The following FARP2 variants were observed in gnomAD, a reference collection of about 807,000 sequenced individuals.
FARP2 encodes the protein FERM, ARH/RhoGEF and pleckstrin domain protein 2.
In FARP2, 111 loss-of-function variants were observed where a neutral mutation model predicts 130.5. The ratio of observed to expected loss-of-function variants is 0.85; its 90% CI spans 0.73 to 1.00. The LOEUF (loss-of-function observed/expected upper bound fraction) is 1.00, where lower values mean the gene tolerates loss of function less well. Among genes scored for constraint, FARP2 ranks in the 50% least tolerant of loss-of-function variants. The probability of loss-of-function intolerance (pLI) is 0.00; values close to 1 mark genes in which losing one functional copy is unlikely to be tolerated. For synonymous variants in FARP2, 504 were observed against 516.9 expected (o/e 0.98, Z 0.34); for missense variants, 1,385 against 1,346.3 (o/e 1.03, Z -0.45).
At chr2:241,437,658 A>ATTTTTTTTTTT (rs1478318608) in intron 12 of FARP2, among the ~76,000 whole-genome samples, 1 of 134,380 alleles carries the variant, frequency 7.4e-6, no homozygotes, top group Non-Finnish European at 1.6e-5. Context: ...ATATTTATTT[A>ATTTTTTTTTTT]TTTATTTATT....
At chr2:241,474,951 ACT>A (rs2064419437) in intron 18 of FARP2, among the ~76,000 whole-genome samples, 1 of 151,978 alleles carries the variant, frequency 6.6e-6, no homozygotes, top group African/African-American at 2.4e-5. Context: ...CTACGCCACC[ACT>A]CTCAGCATGG....
intron 21 of FARP2, 56 bp downstream of exon 21, chr2:241,484,387 C>A (rs2064702128): frequency 2.8e-6 from 4 of 1,428,394 alleles, no homozygotes; most frequent in Non-Finnish European, 3.9e-6. Flanking sequence ...CTGGGCCCCA[C>A]CTACCTCTCT....
At position 241,492,946 on chromosome 2, in the gene FARP2, T is replaced by G. The variant is rs769980116; in HGVS notation, c.2805T>G (p.Tyr935Ter). The part of the protein sequence containing the change: ...SAAVENQLSG[Y>*]LLRKFKNSHG... ...ATTGACAGAACCAGCTTTCAGGATATCTGCTAAGAAAGTTCAAAAACAGTC... is the reference window on the plus strand; with the variant it reads ...ATTGACAGAACCAGCTTTCAGGATAGCTGCTAAGAAAGTTCAAAAACAGTC... Residue 935 changes from tyrosine to a stop codon, truncating the protein, a stop_gained, in exon 25 of 27, where the codon TAT becomes TAG. Coordinates refer to ENST00000264042, the MANE Select transcript of FARP2 (RefSeq NM_014808.4). LOFTEE classifies it high-confidence loss of function. 1.5e-5 allele frequency: 24 copies of G among 1,609,144 alleles called. 1 individual carries two copies. The Middle Eastern group carries it at 2.5e-3, about 165-fold the overall frequency.
intron 2 of FARP2, among the ~76,000 whole-genome samples, chr2:241,377,980 A>G (rs987160013): frequency 2.6e-5 from 4 of 152,090 alleles, no homozygotes; most frequent in Non-Finnish European, 5.9e-5. Flanking sequence ...CAGCAATGTT[A>G]TATGTTCCAA....
chr2:241,359,029 G>A (rs2061125848), intron 1 of FARP2, among the ~76,000 whole-genome samples: 1 of 152,164 alleles, frequency 6.6e-6, no homozygotes, highest in South Asian at 2.1e-4. Flanking sequence ...GCTTCCACAA[G>A]CTGAATCCCA....
In FARP2 at chr2:241,462,493, C is replaced by T. The variant is rs370690777; in HGVS notation, c.1588-30C>T. On this transcript the variant is annotated intron_variant, in intron 14 of 26. Transcript: ENST00000264042. The stretch of plus-strand genomic sequence containing the variant: ...GTGGGAGGGTCCCATGTCCCAGGGA[C>T]GCACACTTACAGCTCTCTGCTTCTT... 3.7e-5 allele frequency: 57 copies of T among 1,545,188 alleles called. No homozygotes were observed. In the African/African-American group the frequency reaches 6.3e-4, roughly 17 times the overall value.
At chr2:241,403,986 A>G in intron 3 of FARP2, 54 bp downstream of exon 3, 1 of 920,354 alleles carries the variant, frequency 1.1e-6, no homozygotes, top group Non-Finnish European at 1.8e-6. Flanking sequence ...CTGTGATGAC[A>G]GCCGCAAGAT....
intron 4 of FARP2, among the ~76,000 whole-genome samples, chr2:241,406,284 G>A (rs896134510): frequency 2.0e-5 from 3 of 151,736 alleles, no homozygotes; most frequent in Non-Finnish European, 2.9e-5. Context: ...CTCCAGCCTG[G>A]GCGACAGAGA....
chr2:241,489,656 A>G lies in FARP2; in HGVS notation c.2422-306A>G, dbSNP rs1056470309. 8 of 221,308 alleles carry G rather than the reference A, an allele frequency of 3.6e-5. No homozygotes were observed. The East Asian group carries it at 5.6e-4, about 16-fold the overall frequency. 13.7% of individuals were successfully genotyped at this position (221,308 alleles called of 1,614,324 possible). A position where few individuals can be genotyped will look rare whatever the true frequency, so the allele number is the denominator to read the frequency against. On this transcript the variant is annotated intron_variant, in intron 21 of 26. Transcript: ENST00000264042. ...CTTTGGTTCATAAATGAATTGTCCA[A>G]CTCCCTTTTGGATAATCAAAATGCT...
At chr2:241,462,645 T>A (rs778183401) in intron 15 of FARP2, 33 bp downstream of exon 15, 28 of 1,378,714 alleles carry the variant, frequency 2.0e-5, no homozygotes, top group Non-Finnish European at 2.0e-5. Context: ...TGATTTTTTT[T>A]TAAAATAAAT....
Position 241,431,746 on chromosome 2 carries a change from TTCTTA to T in FARP2, c.842_846del (p.Leu281GlnfsTer20). ...AAACTAAGCTTCAAGAGGAAAAGAT[TTCTTA>T]TCAAACTTCATCCAGAGGTTCATGT... On this transcript the variant is annotated frameshift_variant, in exon 9 of 27. Transcript: ENST00000264042. LOFTEE classifies it high-confidence loss of function. 6.3e-7 allele frequency: 1 copy of T among 1,581,634 alleles called. No individual in the cohort carries two copies. The highest frequency in any genetic ancestry group is 8.7e-7 in the Non-Finnish European group (1 of 1,154,660).
chr2:241,491,143 G>C lies in FARP2; in HGVS notation c.2587G>C (p.Ala863Pro). The C allele has an allele frequency of 6.2e-7, 1 of 1,613,118 alleles. No individual in the cohort carries two copies. Among genetic ancestry groups the C allele is most frequent in the Non-Finnish European group, 8.5e-7 (1 of 1,179,864 alleles). The change falls in exon 23 of 27, where the codon GCA becomes CCA. Residue 863 changes from alanine (A) to proline (P), a missense_variant. Coordinates refer to ENST00000264042, the MANE Select transcript of FARP2 (RefSeq NM_014808.4). ...AAKSGGDTAPALPGRTVCTRP... is the reference protein window; with the variant it reads ...AAKSGGDTAPPLPGRTVCTRP... ...CAAGAGTGGCGGTGACACGGCCCCT[G>C]CACTGCCAGGCCGCACTGTGTGCAC... is the stretch of plus-strand genomic sequence containing the variant.
chr2:241,375,050 C>T (rs1351409752), intron 2 of FARP2, among the ~76,000 whole-genome samples: 1 of 152,106 alleles, frequency 6.6e-6, no homozygotes, highest in Admixed American at 6.5e-5. Flanking sequence ...GGGTTCACAC[C>T]ATTCTCCTGC....
intron 12 of FARP2, among the ~76,000 whole-genome samples, chr2:241,439,663 T>C (rs569743353): frequency 6.6e-6 from 1 of 152,276 alleles, no homozygotes; most frequent in South Asian, 2.1e-4. Context: ...AAGAATCATC[T>C]AAAAGTTACC....
intron 11 of FARP2, among the ~76,000 whole-genome samples, chr2:241,435,559 T>G (rs563302390): frequency 6.7e-6 from 1 of 150,358 alleles, no homozygotes; most frequent in Admixed American, 6.6e-5. Context: ...TCGCCCAAGC[T>G]GGAGTGCAGT....
At position 241,384,571 on chromosome 2, in the gene FARP2, G is replaced by T. The variant is rs967577703; in HGVS notation, c.183+11281G>T. ...AAATAAATCTAATATTCCTGATTATGAAAAATACATTCCTTCTTAATCTTC... is the reference window on the plus strand; with the variant it reads ...AAATAAATCTAATATTCCTGATTATTAAAAATACATTCCTTCTTAATCTTC... On this transcript the variant is annotated intron_variant, in intron 2 of 26. Coordinates refer to ENST00000264042, the MANE Select transcript of FARP2 (RefSeq NM_014808.4). Among the ~76,000 whole-genome samples, 5 of 152,286 alleles carry T rather than the reference G, an allele frequency of 3.3e-5. No homozygotes were observed. In the East Asian group the frequency reaches 9.6e-4, roughly 29 times the overall value.
intron 22 of FARP2, 51 bp downstream of exon 22, chr2:241,490,095 G>T: frequency 7.6e-7 from 1 of 1,312,378 alleles, no homozygotes. Context: ...GGAGGGGTGG[G>T]GACTTCCTCG....
chr2:241,448,923 G>C (rs2063577191), intron 13 of FARP2, among the ~76,000 whole-genome samples: 1 of 152,240 alleles, frequency 6.6e-6, no homozygotes, highest in Non-Finnish European at 1.5e-5. Flanking sequence ...TGTCCTGTGG[G>C]CAGTGATGCC....
intron 2 of FARP2, among the ~76,000 whole-genome samples, chr2:241,382,365 C>T (rs1460697711): frequency 6.8e-6 from 1 of 146,262 alleles, no homozygotes; most frequent in African/African-American, 2.5e-5. Flanking sequence ...TGCAATCCAA[C>T]CTCCGCCTCC....
Sources: gnomAD v4.1 joint callset for allele counts (sites outside exome capture counted in the v4.1 genomes callset) on GRCh38, gnomAD v4.1.1 for gene constraint, MANE v1.5 for transcripts, NCBI Gene and HGNC (gene_info 2026-07-23, HGNC 2026-07-21) for gene names.